The following SYT14 variants were observed in gnomAD, a reference collection of about 807,000 sequenced individuals.
SYT14 encodes synaptotagmin-14.
A neutral mutation model predicts 74.2 loss-of-function variants in SYT14; 32 were observed. The observed-to-expected ratio is 0.43, with a 90% CI of 0.33 to 0.58. The LOEUF is 0.58. SYT14 is among the 20% of genes least tolerant of loss of function. The pLI, the probability that SYT14 is intolerant of heterozygous loss-of-function variation, is 0.05. For missense variants in SYT14, 791 were observed against 981.8 expected (o/e 0.81, Z 2.60); for synonymous variants, 298 against 337.7 (o/e 0.88, Z 1.29).
chr1:210,014,295 A>G (rs182140864), intron 3 of SYT14, among the ~76,000 whole-genome samples: 56 of 152,124 alleles, frequency 3.7e-4, no homozygotes, highest in Admixed American at 1.9e-3. Flanking sequence ...ATAAATTCCG[A>G]TGATAAAAAA....
chr1:210,118,882 CAG>C (rs1451957271), intron 7 of SYT14, among the ~76,000 whole-genome samples: 1 of 152,096 alleles, frequency 6.6e-6, no homozygotes, highest in African/African-American at 2.4e-5. Context: ...AAATAGCAAA[CAG>C]AAGCAATGTT....
At chr1:210,152,167 A>G (rs1250043361) in intron 7 of SYT14, among the ~76,000 whole-genome samples, 3 of 152,094 alleles carry the variant, frequency 2.0e-5, no homozygotes, top group Admixed American at 6.6e-5. Context: ...ATACCAAACT[A>G]TGTGTTTTGT....
chr1:210,110,869 C>T (rs892091706), intron 7 of SYT14, among the ~76,000 whole-genome samples: 9 of 152,126 alleles, frequency 5.9e-5, no homozygotes, highest in African/African-American at 1.7e-4. Context: ...CTCAGCCTCC[C>T]GAGTAGCTGG....
chr1:210,103,578 A>T (rs1452124720), intron 7 of SYT14, among the ~76,000 whole-genome samples: 3 of 148,294 alleles, frequency 2.0e-5, no homozygotes, highest in African/African-American at 7.4e-5. Flanking sequence ...AGAGTTTAAC[A>T]TTAAGATATA....
intron 2 of SYT14, among the ~76,000 whole-genome samples, chr1:210,011,533 T>C (rs1457750829): frequency 6.6e-6 from 1 of 152,086 alleles, no homozygotes; most frequent in Non-Finnish European, 1.5e-5. Context: ...CTTACAATAT[T>C]ACTCTCTGCT....
chr1:209,978,701 G>A (rs984787249), intron 2 of SYT14, among the ~76,000 whole-genome samples: 8 of 152,320 alleles, frequency 5.3e-5, no homozygotes, highest in Admixed American at 2.0e-4. Flanking sequence ...CTCCAGCTGC[G>A]TGCTGGGAGA....
chr1:210,056,405 A>G (rs945684861), intron 5 of SYT14, among the ~76,000 whole-genome samples: 5 of 152,172 alleles, frequency 3.3e-5, no homozygotes, highest in Admixed American at 2.6e-4. Flanking sequence ...TTCTAGGAGT[A>G]AGATAAAATG....
exon 10 of SYT14, chr1:210,164,320 C>T (rs2083432551): frequency 4.1e-6 from 1 of 244,226 alleles, no homozygotes; most frequent in Non-Finnish European, 8.2e-6. Context: ...AAAATAACTA[C>T]CTGATTAATA....
At chr1:209,968,761 A>G (rs1332099971) in intron 2 of SYT14, among the ~76,000 whole-genome samples, 1 of 150,378 alleles carries the variant, frequency 6.6e-6, no homozygotes, top group African/African-American at 2.5e-5. Flanking sequence ...CATTTATTGT[A>G]GATTCAAGGG....
chr1:210,055,729 C>T (rs2081083624), intron 5 of SYT14, among the ~76,000 whole-genome samples: 1 of 150,728 alleles, frequency 6.6e-6, no homozygotes, highest in Admixed American at 6.6e-5. Flanking sequence ...CACTTAAGCC[C>T]AGGAGCTCAA....
intron 1 of SYT14, among the ~76,000 whole-genome samples, chr1:209,944,757 TC>T (rs970904554): frequency 6.6e-6 from 1 of 151,944 alleles, no homozygotes; most frequent in East Asian, 1.9e-4. Context: ...GTTTTTTTTT[TC>T]CCTCTCTTTT....
intron 5 of SYT14, among the ~76,000 whole-genome samples, chr1:210,048,534 C>T (rs538856679): frequency 5.9e-5 from 9 of 152,232 alleles, no homozygotes; most frequent in East Asian, 1.9e-4. Context: ...ACAAGAACAG[C>T]GCAGGAAAGA....
rs561572068 is a variant in SYT14, at chr1:210,019,538, A to G, written c.1097-1501A>G. Among the ~76,000 whole-genome samples, 18 of 152,314 alleles carry G rather than the reference A, an allele frequency of 1.2e-4. No homozygotes were observed. The East Asian group carries it at 2.5e-3, about 21-fold the overall frequency. ...AAATAGCCACATGTGACTATTGGCT[A>G]CATATTGGGCAAGCACTGCCACAAT... is the stretch of plus-strand genomic sequence containing the variant. On this transcript the variant is annotated intron_variant, in intron 4 of 9. Coordinates refer to ENST00000637265, the Ensembl canonical transcript of SYT14.
Position 210,064,982 on chromosome 1 carries a change from G to A in SYT14, c.1313-29340G>A, listed in dbSNP as rs12027031. Reference sequence around the variant, plus strand: ...TAGCCATTCTAGTGGGTATAAACTAGTATCTCATTATGGTTTTGATTTGCA... The same window carrying A: ...TAGCCATTCTAGTGGGTATAAACTAATATCTCATTATGGTTTTGATTTGCA... On this transcript the variant is annotated intron_variant, in intron 5 of 9. Transcript: ENST00000637265. 2.0e-4 allele frequency among the ~76,000 whole-genome samples: 30 copies of A among 152,104 alleles called. No homozygotes were observed. In the East Asian group the frequency reaches 5.6e-3, roughly 28 times the overall value.
At chr1:210,146,205 G>T (rs1307856400) in intron 7 of SYT14, among the ~76,000 whole-genome samples, 1 of 152,084 alleles carries the variant, frequency 6.6e-6, no homozygotes, top group African/African-American at 2.4e-5. Context: ...GGGCGTGTTG[G>T]CTCATGCCTG....
chr1:209,988,776 C>T (rs982890338), intron 2 of SYT14, among the ~76,000 whole-genome samples: 1 of 152,164 alleles, frequency 6.6e-6, no homozygotes, highest in Non-Finnish European at 1.5e-5. Context: ...GGCATGTCTT[C>T]CCTCTAATCC....
intron 2 of SYT14, among the ~76,000 whole-genome samples, chr1:209,975,573 A>G (rs2079345809): frequency 6.6e-6 from 1 of 152,184 alleles, no homozygotes; most frequent in African/African-American, 2.4e-5. Flanking sequence ...CATGGTGGAT[A>G]AGCTTTTTGA....
Position 210,115,001 on chromosome 1 carries a change from G to A in SYT14, c.2034+14540G>A, listed in dbSNP as rs2082331278. ...AAAGAAGGAATATTTGGGACGAGTT[G>A]CATTGGGAACAGAGACTAGGGAGGG... On this transcript the variant is annotated intron_variant, in intron 7 of 9. Coordinates refer to ENST00000637265, the Ensembl canonical transcript of SYT14. Among the ~76,000 whole-genome samples the A allele has an allele frequency of 2.0e-5, 3 of 151,220 alleles. 1 individual carries two copies. Among genetic ancestry groups the A allele is most frequent in the South Asian group, 2.1e-4 (1 of 4,830 alleles).
intron 2 of SYT14, among the ~76,000 whole-genome samples, chr1:209,987,199 C>G (rs955866427): frequency 2.0e-5 from 3 of 152,226 alleles, no homozygotes; most frequent in African/African-American, 7.2e-5. Context: ...GCCTGTTACC[C>G]ACTTCCAAAG....
Sources: allele counts gnomAD v4.1 joint callset (sites outside exome capture counted in the v4.1 genomes callset), GRCh38; gene constraint gnomAD v4.1.1; transcripts MANE v1.5; gene names NCBI Gene and HGNC (gene_info 2026-07-23, HGNC 2026-07-21).